Variants in PIP5K1B observed in about 807,000 individuals in gnomAD.
PIP5K1B encodes the protein phosphatidylinositol 4-phosphate 5-kinase type-1 beta.
A neutral mutation model predicts 67.0 loss-of-function variants in PIP5K1B; 42 were observed. That is an observed-to-expected ratio of 0.63 (90% CI 0.49 to 0.81). The LOEUF (loss-of-function observed/expected upper bound fraction) is 0.81, where lower values mean the gene tolerates loss of function less well. Ranked by LOEUF, PIP5K1B falls within the 30% of genes least tolerant of loss-of-function variation. The pLI is 0.00. For missense variants in PIP5K1B, 459 were observed against 646.3 expected (o/e 0.71, Z 3.14); for synonymous variants, 214 against 231.4 (o/e 0.92, Z 0.68).
intron 5 of PIP5K1B, among the ~76,000 whole-genome samples, chr9:68,866,523 C>T (rs1178095455): frequency 6.6e-6 from 1 of 152,094 alleles, no homozygotes; most frequent in South Asian, 2.1e-4. Context: ...AAAATAGATG[C>T]ATGAAATAGA....
intron 14 of PIP5K1B, among the ~76,000 whole-genome samples, chr9:68,989,120 A>AAAT: frequency 6.8e-6 from 1 of 147,724 alleles, no homozygotes; most frequent in Non-Finnish European, 1.5e-5. Context: ...AAAAAAAAAA[A>AAAT]TCCACACAAT....
intron 2 of PIP5K1B, among the ~76,000 whole-genome samples, chr9:68,768,337 C>T (rs1830530100): frequency 6.6e-6 from 1 of 152,150 alleles, no homozygotes. Context: ...ACACCCCAGG[C>T]CCTACACTAA....
At chr9:68,791,389 G>A (rs1831962894) in intron 2 of PIP5K1B, among the ~76,000 whole-genome samples, 1 of 152,098 alleles carries the variant, frequency 6.6e-6, no homozygotes, top group South Asian at 2.1e-4. Context: ...GATGGATTGG[G>A]TATTTCTTTT....
chr9:68,924,675 G>A (rs1356498461), intron 12 of PIP5K1B, among the ~76,000 whole-genome samples: 1 of 151,992 alleles, frequency 6.6e-6, no homozygotes, highest in East Asian at 1.9e-4. Context: ...TTGCTATTCT[G>A]TGGTCCAATT....
At chr9:68,717,402 G>T (rs902605131) in intron 1 of PIP5K1B, among the ~76,000 whole-genome samples, 45 of 152,250 alleles carry the variant, frequency 3.0e-4, no homozygotes, top group African/African-American at 1.1e-3. Context: ...CTGTAAATAA[G>T]AGAAAAATAC....
At chr9:68,934,529 C>T (rs1424299154) in intron 12 of PIP5K1B, among the ~76,000 whole-genome samples, 1 of 152,176 alleles carries the variant, frequency 6.6e-6, no homozygotes, top group Admixed American at 6.5e-5. Context: ...CACCCATCCT[C>T]CTCCCAGCAC....
intron 14 of PIP5K1B, among the ~76,000 whole-genome samples, chr9:68,983,102 GTATC>G (rs1289267237): frequency 6.6e-6 from 1 of 152,142 alleles, no homozygotes; most frequent in East Asian, 1.9e-4. Context: ...AATATTTTTA[GTATC>G]TGTTTTGGCT....
rs114212814 is a variant in PIP5K1B at position 68,762,756 on chromosome 9, A to G, written c.-86+20099A>G. Among the ~76,000 whole-genome samples the G allele has an allele frequency of 6.9e-3, 1,052 of 152,180 alleles. 11 individuals carry two copies. The highest frequency in any genetic ancestry group is 0.024 in the African/African-American group (995 of 41,544). On this transcript the variant is annotated intron_variant, in intron 2 of 15. Coordinates refer to ENST00000265382, the MANE Select transcript of PIP5K1B (RefSeq NM_003558.4). Reference sequence around the variant, plus strand: ...AGTGGTTAAGTTCCATTTCACATTTATTGTGATCTCTGTTTCAGCCACTTA... The same window carrying G: ...AGTGGTTAAGTTCCATTTCACATTTGTTGTGATCTCTGTTTCAGCCACTTA...
At chr9:68,915,526 G>T (rs1404510160) in intron 8 of PIP5K1B, among the ~76,000 whole-genome samples, 1 of 152,146 alleles carries the variant, frequency 6.6e-6, no homozygotes. Flanking sequence ...GTGCAGTGAG[G>T]CACTGATAAC....
At chr9:68,798,332 T>G (rs1422431180) in intron 2 of PIP5K1B, among the ~76,000 whole-genome samples, 1 of 152,232 alleles carries the variant, frequency 6.6e-6, no homozygotes, top group African/African-American at 2.4e-5. Flanking sequence ...GTCATTGAAC[T>G]GAATTAACTT....
chr9:68,987,652 A>G (rs1830150868), intron 14 of PIP5K1B, among the ~76,000 whole-genome samples: 1 of 152,198 alleles, frequency 6.6e-6, no homozygotes, highest in South Asian at 2.1e-4. Flanking sequence ...ATAAAGACAT[A>G]CCCGAGACTG....
chr9:68,827,784 T>C (rs1323158876), intron 4 of PIP5K1B, among the ~76,000 whole-genome samples: 1 of 152,136 alleles, frequency 6.6e-6, no homozygotes, highest in Non-Finnish European at 1.5e-5. Flanking sequence ...GAGTATTGTG[T>C]TATTTTGGGA....
intron 1 of PIP5K1B, among the ~76,000 whole-genome samples, chr9:68,732,642 G>A (rs1828500257): frequency 6.6e-6 from 1 of 152,138 alleles, no homozygotes; most frequent in South Asian, 2.1e-4. Flanking sequence ...AACAGAAGCA[G>A]GTGGAACCCA....
intron 7 of PIP5K1B, among the ~76,000 whole-genome samples, chr9:68,891,595 A>G (rs1037656491): frequency 1.3e-5 from 2 of 152,174 alleles, no homozygotes; most frequent in African/African-American, 4.8e-5. Context: ...CCTCCCATCA[A>G]TAGTCCTTTC....
At chr9:68,861,570 T>A (rs1230271315) in intron 4 of PIP5K1B, among the ~76,000 whole-genome samples, 1 of 152,102 alleles carries the variant, frequency 6.6e-6, no homozygotes, top group East Asian at 1.9e-4. Context: ...TACAGATAGT[T>A]CTGGAAAGCA....
At chr9:68,902,643 T>C (rs1456353990) in intron 8 of PIP5K1B, among the ~76,000 whole-genome samples, 2 of 152,232 alleles carry the variant, frequency 1.3e-5, no homozygotes, top group East Asian at 3.8e-4. Context: ...TCAATTTCTA[T>C]GTCATATGGT....
At chr9:68,924,403 A>T in intron 12 of PIP5K1B, among the ~76,000 whole-genome samples, 1 of 38,668 alleles carries the variant, frequency 2.6e-5, no homozygotes, top group Non-Finnish European at 6.4e-5. Flanking sequence ...CTGCGCCTCA[A>T]AAAAAAAAAA....
chr9:68,940,624 T>G, intron 13 of PIP5K1B, 22 bp from the exon 14 acceptor site: 5 of 1,609,342 alleles, frequency 3.1e-6, no homozygotes, highest in Non-Finnish European at 4.2e-6. Flanking sequence ...TTCATGAATG[T>G]GTGTGTTGCT....
chr9:68,991,977 T>TGG (rs368730023), intron 15 of PIP5K1B, among the ~76,000 whole-genome samples: 11 of 150,210 alleles, frequency 7.3e-5, no homozygotes, highest in South Asian at 2.1e-4. Context: ...AAATTTTTTT[T>TGG]GGGGGGGGGC....
Sources: allele counts gnomAD v4.1 joint callset (sites outside exome capture counted in the v4.1 genomes callset), GRCh38; gene constraint gnomAD v4.1.1; transcripts MANE v1.5; gene names NCBI Gene and HGNC (gene_info 2026-07-23, HGNC 2026-07-21).